Variants in ANK1 observed in about 807,000 individuals in gnomAD.
ANK1 encodes ankyrin-1.
ANK1 carries 51 observed loss-of-function variants against 210.4 expected under a neutral mutation model. The ratio of observed to expected loss-of-function variants is 0.24; its 90% CI spans 0.19 to 0.31. ANK1 has a LOEUF of 0.31. Ranked by LOEUF, ANK1 falls within the 10% of genes least tolerant of loss-of-function variation. The pLI, the probability that ANK1 is intolerant of heterozygous loss-of-function variation, is 1.00. For synonymous variants in ANK1, 967 were observed against 1,025.9 expected (o/e 0.94, Z 1.10); for missense variants, 2,051 against 2,504.4 (o/e 0.82, Z 3.86).
At chr8:41,869,173 T>C (rs781446756) in intron 1 of ANK1, among the ~76,000 whole-genome samples, 11 of 151,520 alleles carry the variant, frequency 7.3e-5, no homozygotes, top group Non-Finnish European at 1.3e-4. Flanking sequence ...TTGTCCCTAA[T>C]CCCTAAAACT....
At chr8:41,822,142 GAA>G (rs570913939) in intron 1 of ANK1, among the ~76,000 whole-genome samples, 49 of 44,888 alleles carry the variant, frequency 1.1e-3, no homozygotes, top group Middle Eastern at 9.3e-3. Context: ...GAGAAAGAAA[GAA>G]AGAAAGAAAG....
chr8:41,892,795 A>G (rs1215825868), intron 1 of ANK1, among the ~76,000 whole-genome samples: 1 of 152,174 alleles, frequency 6.6e-6, no homozygotes. Context: ...ATATTAATTC[A>G]CTCATTCAAC....
At chr8:41,693,012 G>A in intron 30 of ANK1, 93 bp downstream of exon 30, 1 of 1,507,414 alleles carries the variant, frequency 6.6e-7, no homozygotes, top group South Asian at 1.1e-5. Flanking sequence ...CACATGGAGG[G>A]GACAGTGAGG....
At chr8:41,812,662 G>A (rs946125201) in intron 1 of ANK1, among the ~76,000 whole-genome samples, 8 of 152,144 alleles carry the variant, frequency 5.3e-5, no homozygotes, top group Non-Finnish European at 4.4e-5. Flanking sequence ...AGAGAATAGC[G>A]GTCCCCAAGC....
At chr8:41,843,395 TC>T (rs34368922) in intron 1 of ANK1, among the ~76,000 whole-genome samples, 3 of 149,208 alleles carry the variant, frequency 2.0e-5, no homozygotes, top group South Asian at 4.3e-4. Flanking sequence ...TCTCTTCATT[TC>T]CCCCCCACCC....
At chr8:41,659,417 T>C (rs1807030369) in intron 42 of ANK1, among the ~76,000 whole-genome samples, 1 of 152,202 alleles carries the variant, frequency 6.6e-6, no homozygotes, top group Non-Finnish European at 1.5e-5. Context: ...TGTGTGTCCA[T>C]GAATGAGCCA....
At chr8:41,778,694 G>A (rs1477308787) in intron 1 of ANK1, among the ~76,000 whole-genome samples, 7 of 152,228 alleles carry the variant, frequency 4.6e-5, no homozygotes, top group Admixed American at 3.9e-4. Context: ...GCTAACGATC[G>A]TATAGCCTTT....
At chr8:41,822,697 G>A (rs558704739) in intron 1 of ANK1, among the ~76,000 whole-genome samples, 3 of 152,166 alleles carry the variant, frequency 2.0e-5, no homozygotes, top group African/African-American at 7.2e-5. Flanking sequence ...CAATGAGGAT[G>A]ATGAGCTAAT....
At chr8:41,822,770 T>TA (rs1804695806) in intron 1 of ANK1, among the ~76,000 whole-genome samples, 1 of 152,184 alleles carries the variant, frequency 6.6e-6, no homozygotes, top group African/African-American at 2.4e-5. Context: ...TTGACCCTGC[T>TA]ACCATCCCAC....
chr8:41,824,601 G>A (rs1050181107), intron 1 of ANK1, among the ~76,000 whole-genome samples: 6 of 152,112 alleles, frequency 3.9e-5, no homozygotes, highest in Non-Finnish European at 7.3e-5. Context: ...AGGGACAGGG[G>A]GGCATTCTAT....
At chr8:41,681,376 A>G (rs1815960380) in intron 37 of ANK1, among the ~76,000 whole-genome samples, 1 of 152,220 alleles carries the variant, frequency 6.6e-6, no homozygotes. Flanking sequence ...CTTCATGTTT[A>G]TTCCCAGGGC....
intron 1 of ANK1, among the ~76,000 whole-genome samples, chr8:41,781,505 T>C (rs1845322777): frequency 6.6e-6 from 1 of 152,228 alleles, no homozygotes; most frequent in Non-Finnish European, 1.5e-5. Context: ...CACTGTATTT[T>C]CACCACCCTG....
At position 41,698,206 on chromosome 8, in the gene ANK1, T is replaced by G. The variant is rs1277978438; in HGVS notation, c.2559-85A>C. ...TTCCTCTTGCCTCCAAGCCTCTCCC[T>G]CCGGCTTTCCACTCCAGAGCCTGAC... is the stretch of plus-strand genomic sequence containing the variant. On this transcript the variant is annotated intron_variant, in intron 23 of 42. Transcript: ENST00000289734. 4 of 1,423,790 alleles carry G rather than the reference T, an allele frequency of 2.8e-6. No individual in the cohort carries two copies. In the African/African-American group the frequency reaches 5.6e-5, roughly 20 times the overall value. The allele number at this position is 1,423,790 out of a possible 1,614,324, so 88.2% of individuals were successfully genotyped here.
chr8:41,825,104 G>A (rs1057491814), intron 1 of ANK1, among the ~76,000 whole-genome samples: 5 of 152,230 alleles, frequency 3.3e-5, no homozygotes, highest in East Asian at 1.9e-4. Context: ...GGCTGAGCCC[G>A]GCTACTTCCA....
At chr8:41,749,858 C>T (rs1189847692) in intron 2 of ANK1, among the ~76,000 whole-genome samples, 2 of 152,176 alleles carry the variant, frequency 1.3e-5, no homozygotes, top group East Asian at 1.9e-4. Context: ...GTGATCTGCC[C>T]GCCTCGGCTT....
At chr8:41,814,056 C>G (rs529040013) in intron 1 of ANK1, among the ~76,000 whole-genome samples, 2 of 152,308 alleles carry the variant, frequency 1.3e-5, no homozygotes, top group East Asian at 3.9e-4. Context: ...AATAACTATA[C>G]TGCCATTTTA....
intron 1 of ANK1, among the ~76,000 whole-genome samples, chr8:41,883,447 T>A (rs1472804770): frequency 1.3e-5 from 2 of 150,388 alleles, no homozygotes; most frequent in East Asian, 3.9e-4. Context: ...CTCATGTTTG[T>A]TTGTTTGTTT....
rs189711625 is a variant in ANK1 at position 41,721,139 on chromosome 8, G to A, written c.910-1281C>T. On this transcript the variant is annotated intron_variant, in intron 9 of 42. Transcript: ENST00000289734. ...ACCTTGTTTGGAAACAGGATCTTCG[G>A]GGATATAATAAGCTAAAATGAGGTC... Among the ~76,000 whole-genome samples, 402 of 152,258 alleles carry A rather than the reference G, an allele frequency of 2.6e-3. 1 individual carries two copies. Among genetic ancestry groups the A allele is most frequent in the Non-Finnish European group, 4.3e-3 (291 of 68,018 alleles).
intron 1 of ANK1, among the ~76,000 whole-genome samples, chr8:41,849,901 T>C (rs114172399): frequency 0.013 from 1,930 of 152,250 alleles, 37 homozygotes; most frequent in African/African-American, 0.044. Flanking sequence ...GCACCTGCGA[T>C]TGGCCAGGCA....
Sources: gnomAD v4.1 joint callset for allele counts (sites outside exome capture counted in the v4.1 genomes callset) on GRCh38, gnomAD v4.1.1 for gene constraint, MANE v1.5 for transcripts, NCBI Gene and HGNC (gene_info 2026-07-23, HGNC 2026-07-21) for gene names.